The following EPHA6 variants were observed in gnomAD, a reference collection of about 807,000 sequenced individuals.
EPHA6 encodes EPH receptor A6.
In EPHA6, 50 loss-of-function variants were observed where a neutral mutation model predicts 112.0. The ratio of observed to expected loss-of-function variants is 0.45; its 90% CI spans 0.36 to 0.56. The LOEUF is 0.56. Ranked by LOEUF, EPHA6 falls within the 20% of genes least tolerant of loss-of-function variation. EPHA6 has a pLI of 0.00. For missense variants in EPHA6, 1,280 were observed against 1,417.4 expected (o/e 0.90, Z 1.56); for synonymous variants, 529 against 490.7 (o/e 1.08, Z -1.03).
intron 5 of EPHA6, among the ~76,000 whole-genome samples, chr3:97,372,920 G>T (rs1311562707): frequency 2.0e-5 from 3 of 152,076 alleles, no homozygotes; most frequent in African/African-American, 7.2e-5. Flanking sequence ...TTCCTGAAAA[G>T]TTTGTGTTTT....
chr3:97,559,914 T>G (rs2093165381), intron 11 of EPHA6, among the ~76,000 whole-genome samples: 1 of 151,582 alleles, frequency 6.6e-6, no homozygotes, highest in South Asian at 2.1e-4. Context: ...ACAAAACTAA[T>G]CACCATAAAA....
At chr3:97,486,408 G>A (rs930371921) in intron 10 of EPHA6, among the ~76,000 whole-genome samples, 3 of 152,184 alleles carry the variant, frequency 2.0e-5, no homozygotes, top group Non-Finnish European at 4.4e-5. Context: ...TTAGATCATT[G>A]TTATAGCCCT....
Position 96,930,604 on chromosome 3 carries a change from A to G in EPHA6, c.451-56726A>G, listed in dbSNP as rs78769706. Among the ~76,000 whole-genome samples the G allele has an allele frequency of 6.4e-3, 968 of 152,192 alleles. 3 individuals are homozygous for G. Among genetic ancestry groups the G allele is most frequent in the Middle Eastern group, 0.02 (6 of 294 alleles). ...CTCCATCCCAGGGGAGTACTAATTCATTTCCAGCCTGAACATGCCTGTAGG... is the reference window on the plus strand; with the variant it reads ...CTCCATCCCAGGGGAGTACTAATTCGTTTCCAGCCTGAACATGCCTGTAGG... On this transcript the variant is annotated intron_variant, in intron 2 of 17. Coordinates refer to ENST00000389672, the MANE Select transcript of EPHA6 (RefSeq NM_001080448.3).
At chr3:97,564,280 T>G (rs971951358) in intron 11 of EPHA6, among the ~76,000 whole-genome samples, 6 of 152,132 alleles carry the variant, frequency 3.9e-5, no homozygotes, top group African/African-American at 1.4e-4. Flanking sequence ...AGTTTACCTT[T>G]AAGGAGCAAG....
intron 3 of EPHA6, among the ~76,000 whole-genome samples, chr3:97,105,665 A>G (rs1323098912): frequency 1.3e-5 from 2 of 152,004 alleles, no homozygotes; most frequent in African/African-American, 4.8e-5. Context: ...GGTCCATCAG[A>G]TTCATTTCAT....
chr3:97,262,008 C>A (rs1236551267), intron 5 of EPHA6, among the ~76,000 whole-genome samples: 1 of 151,984 alleles, frequency 6.6e-6, no homozygotes, highest in East Asian at 1.9e-4. Flanking sequence ...GTTATAAAAC[C>A]CTAGTTATTT....
chr3:96,883,567 A>G (rs951236002), intron 2 of EPHA6, among the ~76,000 whole-genome samples: 14 of 152,264 alleles, frequency 9.2e-5, no homozygotes, highest in African/African-American at 3.1e-4. Flanking sequence ...TTAAGTCCTT[A>G]ATGCATCTTG....
intron 1 of EPHA6, among the ~76,000 whole-genome samples, chr3:96,827,732 A>G (rs1156867163): frequency 6.6e-6 from 1 of 152,160 alleles, no homozygotes; most frequent in Non-Finnish European, 1.5e-5. Flanking sequence ...ATGTCCCGAA[A>G]TAGGAAAATA....
intron 2 of EPHA6, among the ~76,000 whole-genome samples, chr3:96,930,649 C>G (rs1169459397): frequency 6.6e-6 from 1 of 152,078 alleles, no homozygotes; most frequent in Non-Finnish European, 1.5e-5. Context: ...GAGACCCGAA[C>G]TGGGAGGCCT....
intron 3 of EPHA6, among the ~76,000 whole-genome samples, chr3:97,141,124 C>T (rs2075890378): frequency 6.6e-6 from 1 of 152,046 alleles, no homozygotes; most frequent in South Asian, 2.1e-4. Context: ...GGGTTCAATT[C>T]AACAAGAAGA....
rs535868669 is a variant in EPHA6 at position 97,338,849 on chromosome 3, A to T, written c.1607-66301A>T. ...TAATGGAGGGGTGCTGAAACATTTC[A>T]TGTGATCAAAAGGCTTCCCACAGAA... On this transcript the variant is annotated intron_variant, in intron 5 of 17. Coordinates refer to ENST00000389672, the MANE Select transcript of EPHA6 (RefSeq NM_001080448.3). Among the ~76,000 whole-genome samples the T allele has an allele frequency of 6.6e-5, 10 of 152,292 alleles. No homozygotes were observed. In the East Asian group the frequency reaches 1.9e-3, roughly 29 times the overall value.
intron 3 of EPHA6, among the ~76,000 whole-genome samples, chr3:97,068,919 G>A (rs1043455068): frequency 2.0e-5 from 3 of 152,122 alleles, no homozygotes; most frequent in African/African-American, 2.4e-5. Context: ...AGAAATGTGA[G>A]AAATAAATTT....
chr3:96,834,159 T>C (rs2034257734), intron 1 of EPHA6, among the ~76,000 whole-genome samples: 3 of 152,134 alleles, frequency 2.0e-5, no homozygotes, highest in South Asian at 4.1e-4. Flanking sequence ...TTGTGGATGA[T>C]GACCATTTAC....
At chr3:97,290,689 T>C (rs1184978061) in intron 5 of EPHA6, among the ~76,000 whole-genome samples, 1 of 152,168 alleles carries the variant, frequency 6.6e-6, no homozygotes. Context: ...TTACAGTCTT[T>C]GATGATCTTT....
chr3:97,426,698 A>G (rs1332777354), intron 6 of EPHA6, among the ~76,000 whole-genome samples: 1 of 152,214 alleles, frequency 6.6e-6, no homozygotes, highest in East Asian at 1.9e-4. Context: ...GTCAAGTGGA[A>G]CATGATTAAA....
At chr3:97,394,438 T>A (rs9881080) in intron 5 of EPHA6, among the ~76,000 whole-genome samples, 18,307 of 151,696 alleles carry the variant, frequency 0.12, 3,540 homozygotes, top group African/African-American at 0.4. Flanking sequence ...GGTCAAACTA[T>A]AAAGCTCTGC....
chr3:97,179,761 C>T (rs147613452), intron 3 of EPHA6, among the ~76,000 whole-genome samples: 75 of 142,638 alleles, frequency 5.3e-4, no homozygotes, highest in Admixed American at 9.6e-4. Flanking sequence ...CTCTCTCTCT[C>T]CTGAACCACT....
In EPHA6 at chr3:96,838,011, TC is replaced by T. The variant is rs371537318; in HGVS notation, c.385+23005del. 2.0e-4 allele frequency among the ~76,000 whole-genome samples: 30 copies of T among 152,244 alleles called. No homozygotes were observed. The South Asian group carries it at 6.2e-3, about 32-fold the overall frequency. On this transcript the variant is annotated intron_variant, in intron 1 of 17. Transcript: ENST00000389672. Reference sequence around the variant, plus strand: ...AAGCCCAGCATCCATTAGCTATTCTTCCTAGTCCTTTACCTCCTTCCACCTA... The same window carrying T: ...AAGCCCAGCATCCATTAGCTATTCTTCTAGTCCTTTACCTCCTTCCACCTA...
intron 3 of EPHA6, among the ~76,000 whole-genome samples, chr3:97,216,574 T>C (rs1324724578): frequency 6.6e-6 from 1 of 152,228 alleles, no homozygotes; most frequent in African/African-American, 2.4e-5. Context: ...TCTCATGCTT[T>C]TCTTTTGGGC....
Sources: gnomAD v4.1 joint callset for allele counts (sites outside exome capture counted in the v4.1 genomes callset) on GRCh38, gnomAD v4.1.1 for gene constraint, MANE v1.5 for transcripts, NCBI Gene and HGNC (gene_info 2026-07-23, HGNC 2026-07-21) for gene names.